Variants in SLC7A2 observed in about 807,000 individuals in gnomAD.
SLC7A2 encodes the protein cationic amino acid transporter 2.
Under a neutral mutation model 58.9 loss-of-function variants are expected in SLC7A2, and 48 were observed. The observed-to-expected ratio is 0.82, with a 90% CI of 0.65 to 1.04. SLC7A2 has a LOEUF of 1.04. Ranked by LOEUF, SLC7A2 falls within the 50% of genes least tolerant of loss-of-function variation. SLC7A2 has a pLI of 0.00. For missense variants in SLC7A2, 1,029 were observed against 818.8 expected, an observed-to-expected ratio of 1.26 and a Z score of -3.13; for synonymous variants, 363 against 314.5, an observed-to-expected ratio of 1.15 and a Z score of -1.63.
chr8:17,561,998 C>T lies in SLC7A2; in HGVS notation c.1559C>T (p.Thr520Ile). The T allele has an allele frequency of 6.2e-7, 1 of 1,614,112 alleles. No homozygotes were observed. Among genetic ancestry groups the T allele is most frequent in the Non-Finnish European group, 8.5e-7 (1 of 1,180,004 alleles). ...ACCACTTACGGAGTTCATGCCATCA[C>T]CAGGCTGGAGGCCTGGAGCCTCGCT... ...VLTTYGVHAITRLEAWSLALL... is the reference protein window; with the variant it reads ...VLTTYGVHAIIRLEAWSLALL... Residue 520 changes from threonine (T) to isoleucine (I), a missense_variant, in exon 11 of 13, where the codon ACC becomes ATC. Thr to Ile is a moderately conservative substitution (Grantham distance 89). Coordinates refer to ENST00000494857, the MANE Select transcript of SLC7A2 (RefSeq NM_001370338.1).
In SLC7A2 at chr8:17,570,014, C is replaced by T. The variant is rs1803439269; in HGVS notation, c.*4868C>T. On this transcript the variant is annotated 3_prime_UTR_variant, in exon 13 of 13. Transcript: ENST00000494857. ...GTAGTTTGGGCTCCTTAATTCCAAA[C>T]ATCCCATGAGTATATCAAGATGAAT... The T allele has an allele frequency of 1.3e-5, 2 of 152,178 alleles. No homozygotes were observed. Among genetic ancestry groups the T allele is most frequent in the Non-Finnish European group, 2.9e-5 (2 of 68,042 alleles). The allele number at this position is 152,178 out of a possible 1,614,324, so 9.4% of individuals were successfully genotyped here. A position where few individuals can be genotyped will look rare whatever the true frequency, so the allele number is the denominator to read the frequency against.
chr8:17,507,922 A>G (rs966788854), intron 2 of SLC7A2, among the ~76,000 whole-genome samples: 5 of 152,168 alleles, frequency 3.3e-5, no homozygotes, highest in Admixed American at 6.5e-5. Context: ...GTAGAGTGAC[A>G]TTCTTATGAT....
In SLC7A2 at chr8:17,554,713, G is replaced by C. The variant is rs374667163; in HGVS notation, c.1195+14G>C. ...GTGCAGTGGCAGGTGAGAGAGAGTTGACTTTTCTTCAGAAACGGGGGATCT... is the reference window on the plus strand; with the variant it reads ...GTGCAGTGGCAGGTGAGAGAGAGTTCACTTTTCTTCAGAAACGGGGGATCT... On this transcript the variant is annotated intron_variant, in intron 8 of 12. Coordinates refer to ENST00000494857, the MANE Select transcript of SLC7A2 (RefSeq NM_001370338.1). 1.2e-5 allele frequency: 19 copies of C among 1,599,062 alleles called. No homozygotes were observed. The highest frequency in any genetic ancestry group is 1.8e-5 in the Admixed American group (1 of 56,430).
intron 2 of SLC7A2, among the ~76,000 whole-genome samples, chr8:17,537,271 G>C (rs1585228551): frequency 2.0e-5 from 3 of 152,022 alleles, no homozygotes; most frequent in Admixed American, 6.6e-5. Flanking sequence ...TGGTCAGGCT[G>C]GTCTCAAAAC....
At position 17,547,785 on chromosome 8, in the gene SLC7A2, AGTGTGTGTGTGTGTGTGTGTGT is replaced by A. The variant is rs35052068; in HGVS notation, c.533-876_533-855del. 4.9e-3 allele frequency among the ~76,000 whole-genome samples: 710 copies of A among 144,816 alleles called. 4 individuals carry two copies. Among genetic ancestry groups the A allele is most frequent in the African/African-American group, 0.017 (684 of 39,680 alleles). ...GATTATATATTTACTGGCACAAAAGAGTGTGTGTGTGTGTGTGTGTGTGTGTGTGTGTGTGTGTTTACAAAAT... is the reference window on the plus strand; with the variant it reads ...GATTATATATTTACTGGCACAAAAGAGTGTGTGTGTGTGTGTTTACAAAAT... On this transcript the variant is annotated intron_variant, in intron 4 of 12. Coordinates refer to ENST00000494857, the MANE Select transcript of SLC7A2 (RefSeq NM_001370338.1).
chr8:17,494,447 C>T (rs1169739416), upstream of SLC7A2, among the ~76,000 whole-genome samples: 1 of 151,980 alleles, frequency 6.6e-6, no homozygotes, highest in Non-Finnish European at 1.5e-5. Flanking sequence ...GGAAACTTGA[C>T]GGCTGAAAGT....
At chr8:17,520,989 C>G (rs1211035226) in intron 2 of SLC7A2, among the ~76,000 whole-genome samples, 7 of 152,038 alleles carry the variant, frequency 4.6e-5, no homozygotes, top group Admixed American at 2.6e-4. Context: ...CTGTTTCAGG[C>G]TTAGTATTTT....
At chr8:17,532,229 CAAAAAAAAAAAAAAAA>C (rs534441508) in intron 2 of SLC7A2, among the ~76,000 whole-genome samples, 1 of 46,202 alleles carries the variant, frequency 2.2e-5, no homozygotes, top group African/African-American at 1.0e-4. Flanking sequence ...GACTCTATCT[CAAAAAAAAAAAAAAAA>C]AAAAAAAAAA....
At chr8:17,519,032 C>A (rs557344251) in intron 2 of SLC7A2, among the ~76,000 whole-genome samples, 2 of 152,202 alleles carry the variant, frequency 1.3e-5, no homozygotes, top group Non-Finnish European at 2.9e-5. Context: ...GGTGCCCCAC[C>A]CACATGATCT....
At chr8:17,524,188 C>T (rs1801128285) in intron 2 of SLC7A2, among the ~76,000 whole-genome samples, 1 of 152,106 alleles carries the variant, frequency 6.6e-6, no homozygotes, top group South Asian at 2.1e-4. Flanking sequence ...CTATGGAAAA[C>T]AGTGTGGAGA....
intron 2 of SLC7A2, among the ~76,000 whole-genome samples, chr8:17,519,866 T>C (rs1800945463): frequency 6.6e-6 from 1 of 152,100 alleles, no homozygotes; most frequent in Non-Finnish European, 1.5e-5. Flanking sequence ...TAAAACCTTC[T>C]AGAGTGATCC....
At chr8:17,564,893 A>C in intron 12 of SLC7A2, 57 bp from the exon 13 acceptor site, 2 of 1,386,350 alleles carry the variant, frequency 1.4e-6, no homozygotes, top group Non-Finnish European at 2.0e-6. Context: ...TCAATAACTT[A>C]AAAGTCATTT....
chr8:17,507,744 T>C (rs1800431387), intron 2 of SLC7A2, among the ~76,000 whole-genome samples: 1 of 152,188 alleles, frequency 6.6e-6, no homozygotes, highest in Admixed American at 6.5e-5. Flanking sequence ...TAACATGTAA[T>C]AGAAATATGC....
intron 7 of SLC7A2, 137 bp downstream of exon 7, chr8:17,552,123 C>T (rs1802484336): frequency 1.5e-6 from 1 of 662,102 alleles, no homozygotes; most frequent in Non-Finnish European, 2.6e-6. Context: ...TATTGATTGG[C>T]TTGCTCAGAA....
In SLC7A2 at chr8:17,556,752, T is replaced by G. The variant is rs7828462; in HGVS notation, c.1196-1543T>G. The stretch of plus-strand genomic sequence containing the variant: ...GCCTCCTGAGTAGCTCTGATTACAG[T>G]CACGTGCCACCACGCCCAGCTGATT... On this transcript the variant is annotated intron_variant, in intron 8 of 12. Coordinates refer to ENST00000494857, the MANE Select transcript of SLC7A2 (RefSeq NM_001370338.1). Among the ~76,000 whole-genome samples, 869 of 152,008 alleles carry G rather than the reference T, an allele frequency of 5.7e-3. 12 individuals carry two copies. Among genetic ancestry groups the G allele is most frequent in the African/African-American group, 0.02 (839 of 41,472 alleles).
chr8:17,539,709 G>C (rs1239829326), intron 2 of SLC7A2, among the ~76,000 whole-genome samples: 1 of 152,042 alleles, frequency 6.6e-6, no homozygotes, highest in East Asian at 1.9e-4. Flanking sequence ...TTAAATATGA[G>C]TCCTTGGTCA....
At chr8:17,558,499 C>T (rs1458046376) in intron 9 of SLC7A2, 102 bp downstream of exon 9, 2 of 660,892 alleles carry the variant, frequency 3.0e-6, no homozygotes, top group East Asian at 5.4e-5. Context: ...CCAGCAGTCT[C>T]ACCAAGGTGA....
chr8:17,564,074 C>T (rs1282602510), intron 12 of SLC7A2, among the ~76,000 whole-genome samples: 1 of 152,204 alleles, frequency 6.6e-6, no homozygotes, highest in Non-Finnish European at 1.5e-5. Context: ...ACGTTGCCTC[C>T]TGATCCCCAC....
intron 2 of SLC7A2, among the ~76,000 whole-genome samples, chr8:17,512,493 G>A (rs1800645798): frequency 6.6e-6 from 1 of 152,132 alleles, no homozygotes; most frequent in African/African-American, 2.4e-5. Flanking sequence ...ATTGCACTGA[G>A]GCAAGATCGT....
Sources: gnomAD v4.1 joint callset for allele counts (sites outside exome capture counted in the v4.1 genomes callset) on GRCh38, gnomAD v4.1.1 for gene constraint, MANE v1.5 for transcripts, NCBI Gene and HGNC (gene_info 2026-07-23, HGNC 2026-07-21) for gene names.